RALGAPA2: variants seen among roughly 807,000 people sequenced by gnomAD.
The protein encoded by RALGAPA2 is ral GTPase-activating protein subunit alpha-2.
In RALGAPA2, 139 loss-of-function variants were observed where a neutral mutation model predicts 230.4. The ratio of observed to expected loss-of-function variants is 0.60; its 90% confidence interval spans 0.53 to 0.69. RALGAPA2 has a LOEUF of 0.69. RALGAPA2 is among the 30% of genes least tolerant of loss of function. The probability of loss-of-function intolerance (pLI) is 0.00; values close to 1 mark genes in which losing one functional copy is unlikely to be tolerated. For synonymous variants in RALGAPA2, 847 were observed against 837.8 expected, an observed-to-expected ratio of 1.01 and a Z score of -0.19; for missense variants, 2,163 against 2,276.0, an observed-to-expected ratio of 0.95 and a Z score of 1.01.
At position 20,712,279 on chromosome 20, in the gene RALGAPA2, C is replaced by T; in HGVS notation, c.106+96G>A. ...TCGGACGCCCACCCATCCCCCTCCC[C>T]AGCCTCCCAGCCACCGACCCCTGCA... On this transcript the variant is annotated intron_variant, in intron 1 of 39. Coordinates refer to ENST00000202677, the MANE Select transcript of RALGAPA2 (RefSeq NM_020343.4). This position sits in a 1 kb window ranked among gnomAD's most constrained non-coding sequence, Gnocchi z 5.5. 1 of 1,138,632 alleles carries T rather than the reference C, an allele frequency of 8.8e-7. No homozygotes were observed. The highest frequency in any genetic ancestry group is 1.2e-6 in the Non-Finnish European group (1 of 832,790). The allele number at this position is 1,138,632 out of a possible 1,614,324, so 70.5% of individuals were successfully genotyped here.
chr20:20,448,171 A>G (rs2145243), intron 37 of RALGAPA2, among the ~76,000 whole-genome samples: 152,010 of 152,340 alleles, frequency 1, 75,841 homozygotes, highest in Middle Eastern at 1. Flanking sequence ...ACCATTATAG[A>G]AATAAGAGTT....
chr20:20,465,714 C>G (rs1347734229), intron 37 of RALGAPA2, among the ~76,000 whole-genome samples: 1 of 152,168 alleles, frequency 6.6e-6, no homozygotes, highest in Non-Finnish European at 1.5e-5. Flanking sequence ...CCTGCACCTT[C>G]GCACTTCTCA....
chr20:20,436,949 C>T (rs1167764671), intron 37 of RALGAPA2, among the ~76,000 whole-genome samples: 10 of 152,116 alleles, frequency 6.6e-5, no homozygotes, highest in East Asian at 1.9e-4. Flanking sequence ...GCAGCCGCAC[C>T]GGGGAGACCA....
intron 1 of RALGAPA2, among the ~76,000 whole-genome samples, chr20:20,692,600 A>T (rs970476862): frequency 1.3e-5 from 2 of 152,202 alleles, no homozygotes; most frequent in Non-Finnish European, 2.9e-5. Context: ...CTTGCCAGTG[A>T]CTCAAGCCTG....
At chr20:20,524,658 A>T in intron 29 of RALGAPA2, 115 bp from the exon 30 acceptor site, 1 of 1,367,518 alleles carries the variant, frequency 7.3e-7, no homozygotes, top group Non-Finnish European at 1.0e-6. Flanking sequence ...GGTGCTAGAT[A>T]AGTAGGTAAG....
At chr20:20,643,658 G>A (rs2067114778) in intron 4 of RALGAPA2, 109 bp from the exon 5 acceptor site, 1 of 1,049,544 alleles carries the variant, frequency 9.5e-7, no homozygotes, top group Non-Finnish European at 1.3e-6. Flanking sequence ...AAAAATAAAA[G>A]GAAGAAGGCT....
intron 14 of RALGAPA2, among the ~76,000 whole-genome samples, chr20:20,607,423 C>A (rs2065854854): frequency 6.6e-6 from 1 of 151,982 alleles, no homozygotes; most frequent in African/African-American, 2.4e-5. Flanking sequence ...AAGTCTGATT[C>A]TAACATGTAT....
chr20:20,513,041 G>T lies in RALGAPA2; in HGVS notation c.4328C>A (p.Pro1443His). ...TGATCCCCCTACCGGTCCTTCTGTG[G>T]GTGTCTGAAGGTAGGAGATGAGGGT... ...DSTLISYLQTPTEGPVGGSPV... is the reference protein window; with the variant it reads ...DSTLISYLQTHTEGPVGGSPV... Residue 1443 changes from proline (P) to histidine (H), a missense_variant, in exon 32 of 40, where the codon CCC becomes CAC. Pro to His is a moderately conservative substitution (Grantham distance 77, BLOSUM62 -2). Transcript: ENST00000202677. The T allele has an allele frequency of 6.2e-7, 1 of 1,611,968 alleles. No homozygotes were observed.
chr20:20,402,770 T>C (rs1386112806), intron 38 of RALGAPA2, among the ~76,000 whole-genome samples: 3 of 152,202 alleles, frequency 2.0e-5, no homozygotes, highest in Non-Finnish European at 4.4e-5. Flanking sequence ...CCCTCCCCAC[T>C]GAAGCCTGAC....
intron 20 of RALGAPA2, among the ~76,000 whole-genome samples, chr20:20,576,313 G>T (rs2064818319): frequency 6.6e-6 from 1 of 151,994 alleles, no homozygotes; most frequent in South Asian, 2.1e-4. Context: ...TCTGTTCCAG[G>T]ATCTCATCCA....
chr20:20,473,747 T>C (rs1330142522), intron 36 of RALGAPA2, among the ~76,000 whole-genome samples: 1 of 152,212 alleles, frequency 6.6e-6, no homozygotes, highest in African/African-American at 2.4e-5. Context: ...ATTTCTTCTC[T>C]CTCCTTTTTC....
chr20:20,699,691 C>A (rs947789760), intron 1 of RALGAPA2, among the ~76,000 whole-genome samples: 2 of 152,058 alleles, frequency 1.3e-5, no homozygotes, highest in Non-Finnish European at 2.9e-5. Flanking sequence ...AAGCGGCCAA[C>A]AAACATATAA....
chr20:20,567,380 A>C lies in RALGAPA2; in HGVS notation c.3156+4078T>G, dbSNP rs538465926. Among the ~76,000 whole-genome samples the C allele has an allele frequency of 9.2e-5, 14 of 152,348 alleles. No homozygotes were observed. The East Asian group carries it at 2.5e-3, about 27-fold the overall frequency. On this transcript the variant is annotated intron_variant, in intron 23 of 39. Transcript: ENST00000202677. ...TTAGGAAAAACTGAGAACAACAAGA[A>C]ACAGCTTTAGAAGAGAAACTGAAGG... is the stretch of plus-strand genomic sequence containing the variant.
At chr20:20,649,217 T>C (rs779174986) in intron 4 of RALGAPA2, among the ~76,000 whole-genome samples, 4 of 152,068 alleles carry the variant, frequency 2.6e-5, no homozygotes, top group Non-Finnish European at 4.4e-5. Context: ...CTGTGTGAAG[T>C]GCACAGGGAA....
At chr20:20,575,410 T>G (rs1488531289) in intron 20 of RALGAPA2, among the ~76,000 whole-genome samples, 1 of 152,000 alleles carries the variant, frequency 6.6e-6, no homozygotes, top group Non-Finnish European at 1.5e-5. Flanking sequence ...AGTTTGTTTT[T>G]TTTTTTTTTC....
chr20:20,406,690 T>C (rs1035041085), intron 38 of RALGAPA2, among the ~76,000 whole-genome samples: 2 of 152,198 alleles, frequency 1.3e-5, no homozygotes, highest in African/African-American at 4.8e-5. Context: ...GGTGGGCAGA[T>C]CGCTTGAACC....
chr20:20,448,468 G>A (rs182086530), intron 37 of RALGAPA2, among the ~76,000 whole-genome samples: 1 of 152,206 alleles, frequency 6.6e-6, no homozygotes, highest in African/African-American at 2.4e-5. Flanking sequence ...CTTTGAAGAG[G>A]TGCCAACAAA....
intron 36 of RALGAPA2, among the ~76,000 whole-genome samples, chr20:20,473,421 C>T (rs1051253229): frequency 6.6e-6 from 1 of 152,188 alleles, no homozygotes; most frequent in Non-Finnish European, 1.5e-5. Context: ...CAAAGTCCTA[C>T]ACAGTCCTCA....
At chr20:20,524,031 A>G (rs1391334692) in intron 30 of RALGAPA2, among the ~76,000 whole-genome samples, 1 of 152,004 alleles carries the variant, frequency 6.6e-6, no homozygotes, top group African/African-American at 2.4e-5. Context: ...ATCTCGGCTC[A>G]CTGCAAACTC....
Sources: gnomAD v4.1 joint callset for allele counts (sites outside exome capture counted in the v4.1 genomes callset) on GRCh38, gnomAD v4.1.1 for gene constraint, Gnocchi (gnomAD v3.1) non-coding constraint, MANE v1.5 for transcripts, NCBI Gene and HGNC (gene_info 2026-07-23, HGNC 2026-07-21) for gene names.